The following ARHGAP6 variants were observed in gnomAD, a reference collection of about 807,000 sequenced individuals.
ARHGAP6 encodes rho GTPase-activating protein 6.
Under a neutral mutation model 55.7 loss-of-function variants are expected in ARHGAP6, and 16 were observed. That is an observed-to-expected ratio of 0.29 (90% CI 0.19 to 0.44). The LOEUF (loss-of-function observed/expected upper bound fraction) is 0.44. Ranked by LOEUF, ARHGAP6 falls within the 20% of genes least tolerant of loss-of-function variation. The probability of loss-of-function intolerance (pLI) is 1.00; values close to 1 mark genes in which losing one functional copy is unlikely to be tolerated. For synonymous variants in ARHGAP6, 382 were observed against 360.9 expected (o/e 1.06, Z -0.66); for missense variants, 698 against 808.9 (o/e 0.86, Z 1.66).
intron 1 of ARHGAP6, among the ~76,000 whole-genome samples, chrX:11,293,902 A>T (rs1470728703): frequency 8.9e-6 from 1 of 112,382 alleles, no homozygotes; most frequent in Non-Finnish European, 1.9e-5. Flanking sequence ...CTTTTCATAG[A>T]CAGCATTATC....
Position 11,138,726 on chromosome X carries a change from T to C in ARHGAP6, c.*137A>G. The C allele has an allele frequency of 1.4e-6, 1 of 696,044 alleles. No homozygotes were observed. Among genetic ancestry groups the C allele is most frequent in the Non-Finnish European group, 2.1e-6 (1 of 476,281 alleles). 57.4% of individuals were successfully genotyped at this position (696,044 alleles called of 1,213,427 possible). Reference sequence around the variant, plus strand: ...GGCGTGAGTGCTCTACCTCTGTAGGTGAACTGGATTTCTCTTGTGTCACTT... The same window carrying C: ...GGCGTGAGTGCTCTACCTCTGTAGGCGAACTGGATTTCTCTTGTGTCACTT... On this transcript the variant is annotated 3_prime_UTR_variant, in exon 13 of 13. Coordinates refer to ENST00000337414, the MANE Select transcript of ARHGAP6 (RefSeq NM_013427.3).
chrX:11,309,980 C>T (rs1177611019), intron 1 of ARHGAP6, among the ~76,000 whole-genome samples: 3 of 109,057 alleles, frequency 2.8e-5, no homozygotes, highest in Admixed American at 2.0e-4. Flanking sequence ...GGCAAAACCT[C>T]GTCTGTACAA....
intron 1 of ARHGAP6, among the ~76,000 whole-genome samples, chrX:11,563,230 G>A (rs1353817373): frequency 9.0e-6 from 1 of 111,472 alleles, no homozygotes; most frequent in Non-Finnish European, 1.9e-5. Flanking sequence ...TTTGAAATAA[G>A]TAATTTATCA....
At chrX:11,360,282 G>C (rs1366965438) in intron 1 of ARHGAP6, among the ~76,000 whole-genome samples, 1 of 111,611 alleles carries the variant, frequency 9.0e-6, no homozygotes, top group Middle Eastern at 4.2e-3. Context: ...ACCGAATCTA[G>C]CAGCACATCA....
intron 2 of ARHGAP6, among the ~76,000 whole-genome samples, chrX:11,204,938 T>G (rs1225268549): frequency 3.6e-5 from 4 of 112,058 alleles, no homozygotes; most frequent in Non-Finnish European, 7.5e-5. Context: ...TCTCCCAGCC[T>G]CTAGTCTCAT....
rs147804735 is a variant in ARHGAP6, at chrX:11,297,153, T to C, written c.589-42446A>G. 4.3e-3 allele frequency among the ~76,000 whole-genome samples: 483 copies of C among 112,083 alleles called. 2 individuals are homozygous for C. The highest frequency in any genetic ancestry group is 7.0e-3 in the Non-Finnish European group (372 of 53,165). On this transcript the variant is annotated intron_variant, in intron 1 of 12. Transcript: ENST00000337414. ...CTTGGTTCTAACCCAGCTAGTAAAA[T>C]GTAAGGATTAGGTAAGATGTTATTT...
chrX:11,490,060 T>A lies in ARHGAP6; in HGVS notation c.588+174181A>T, dbSNP rs182214118. On this transcript the variant is annotated intron_variant, in intron 1 of 12. Transcript: ENST00000337414. The stretch of plus-strand genomic sequence containing the variant: ...AAACCAGAAATACGGGTGGCAGACA[T>A]ATCCTAAGATGACCCCCCTCCAGTG... Among the ~76,000 whole-genome samples the A allele has an allele frequency of 4.9e-4, 55 of 111,255 alleles. No homozygotes were observed. The East Asian group carries it at 0.011, about 22-fold the overall frequency.
intron 1 of ARHGAP6, among the ~76,000 whole-genome samples, chrX:11,612,434 T>C (rs2052113456): frequency 9.0e-6 from 1 of 111,711 alleles, no homozygotes; most frequent in African/African-American, 3.3e-5. Context: ...AACGGAATGT[T>C]TGTGTACCCC....
intron 1 of ARHGAP6, among the ~76,000 whole-genome samples, chrX:11,642,353 A>G (rs992498666): frequency 8.9e-6 from 1 of 111,738 alleles, no homozygotes; most frequent in Non-Finnish European, 1.9e-5. Flanking sequence ...TATTCCTAGA[A>G]AAATCAACTA....
chrX:11,522,633 T>C (rs772162413), intron 1 of ARHGAP6, among the ~76,000 whole-genome samples: 3 of 111,783 alleles, frequency 2.7e-5, no homozygotes, highest in African/African-American at 9.7e-5. Context: ...CTAGAAAATC[T>C]GGAAGAAATG....
chrX:11,454,110 A>ATTTTTTTTTTTTTT (rs1187605203), intron 1 of ARHGAP6, among the ~76,000 whole-genome samples: 3 of 76,853 alleles, frequency 3.9e-5, no homozygotes, highest in South Asian at 6.7e-4. Flanking sequence ...CGCACGGCTA[A>ATTTTTTTTTTTTTT]TTTTTTTTTT....
intron 1 of ARHGAP6, among the ~76,000 whole-genome samples, chrX:11,455,563 G>A (rs1219271376): frequency 2.7e-5 from 3 of 112,060 alleles, no homozygotes; most frequent in Non-Finnish European, 3.8e-5. Flanking sequence ...AAATAAAAAG[G>A]AGTCTGTAAG....
At chrX:11,452,106 G>A (rs1260527963) in intron 1 of ARHGAP6, among the ~76,000 whole-genome samples, 1 of 112,236 alleles carries the variant, frequency 8.9e-6, no homozygotes, top group Non-Finnish European at 1.9e-5. Context: ...TCTATTAGAT[G>A]TCTATTATGG....
At chrX:11,212,807 AAAAT>A (rs964635514) in intron 2 of ARHGAP6, among the ~76,000 whole-genome samples, 2 of 112,143 alleles carry the variant, frequency 1.8e-5, no homozygotes, top group African/African-American at 6.4e-5. Context: ...ATATATATAT[AAAAT>A]AAAGATTAAA....
chrX:11,622,587 G>A (rs1316667764), intron 1 of ARHGAP6, among the ~76,000 whole-genome samples: 1 of 111,363 alleles, frequency 9.0e-6, no homozygotes, highest in Non-Finnish European at 1.9e-5. Context: ...CCTGGACCCT[G>A]CTGTGTCACA....
chrX:11,276,922 T>C (rs760440975), intron 1 of ARHGAP6, among the ~76,000 whole-genome samples: 1 of 111,463 alleles, frequency 9.0e-6, no homozygotes, highest in Non-Finnish European at 1.9e-5. Context: ...CTTTAAAGTG[T>C]ATAGTTCTGT....
intron 10 of ARHGAP6, among the ~76,000 whole-genome samples, chrX:11,145,799 C>T (rs1171898753): frequency 2.7e-5 from 3 of 112,604 alleles, no homozygotes; most frequent in Non-Finnish European, 5.6e-5. Flanking sequence ...CAAATGTGGG[C>T]TTCTTCTGAG....
intron 1 of ARHGAP6, among the ~76,000 whole-genome samples, chrX:11,593,142 T>C (rs147526158): frequency 1.9e-3 from 211 of 112,380 alleles, no homozygotes; most frequent in Middle Eastern, 4.6e-3. Context: ...CTTTGAACTA[T>C]TCTAGAAATA....
intron 10 of ARHGAP6, among the ~76,000 whole-genome samples, chrX:11,155,320 GA>G (rs1212124472): frequency 7.2e-5 from 8 of 111,172 alleles, no homozygotes; most frequent in African/African-American, 2.6e-4. Flanking sequence ...ATTATTATGA[GA>G]CAGAGTCTCA....
Sources: gnomAD v4.1 joint callset for allele counts (sites outside exome capture counted in the v4.1 genomes callset) on GRCh38, gnomAD v4.1.1 for gene constraint, MANE v1.5 for transcripts, NCBI Gene and HGNC (gene_info 2026-07-23, HGNC 2026-07-21) for gene names.